HOPX: variants seen among roughly 807,000 people sequenced by gnomAD.
The protein encoded by HOPX is HOP homeobox.
HOPX carries 5 observed loss-of-function variants against 11.8 expected under a neutral mutation model. That is an observed-to-expected ratio of 0.43 (90% CI 0.22 to 0.89). HOPX has a LOEUF of 0.89. Ranked by LOEUF, HOPX falls within the 40% of genes least tolerant of loss-of-function variation. The probability of loss-of-function intolerance (pLI) is 0.28; values close to 1 mark genes in which losing one functional copy is unlikely to be tolerated. For synonymous variants in HOPX, 49 were observed against 49.7 expected, an observed-to-expected ratio of 0.99 and a Z score of 0.06; for missense variants, 119 against 120.0, an observed-to-expected ratio of 0.99 and a Z score of 0.04.
rs1301110531 is a variant in HOPX at position 56,648,188 on chromosome 4, C to G, written c.*532G>C. On this transcript the variant is annotated 3_prime_UTR_variant, in exon 4 of 4. Transcript: ENST00000420433. ...GTCTTCTGGCCCAACAGGCTTCTTT[C>G]CAAGTTAATGCAGCTATATTCCAAG... is the stretch of plus-strand genomic sequence containing the variant. 1 of 152,056 alleles carries G rather than the reference C, an allele frequency of 6.6e-6. No homozygotes were observed. The highest frequency in any genetic ancestry group is 2.4e-5 in the African/African-American group (1 of 41,378). 9.4% of individuals were successfully genotyped at this position (152,056 alleles called of 1,614,324 possible).
intron 1 of HOPX, chr4:56,665,625 T>C (rs1403237898): frequency 2.0e-5 from 3 of 152,202 alleles, no homozygotes; most frequent in Non-Finnish European, 2.9e-5. Flanking sequence ...ATTATAACAA[T>C]AGTGACAACA....
At chr4:56,662,456 A>G (rs894642098) in intron 1 of HOPX, 4 of 147,190 alleles carry the variant, frequency 2.7e-5, no homozygotes, top group Non-Finnish European at 4.5e-5. Flanking sequence ...CAAATGTATT[A>G]TTTTCTTTCT....
At chr4:56,651,873 A>T (rs28538051) in intron 3 of HOPX, among the ~76,000 whole-genome samples, 58,013 of 136,744 alleles carry the variant, frequency 0.42, 11,692 homozygotes, top group African/African-American at 0.54. Context: ...AGAGAGAGAG[A>T]GTGTGTGTGT....
intron 3 of HOPX, among the ~76,000 whole-genome samples, chr4:56,653,652 G>T (rs1195568620): frequency 1.3e-5 from 2 of 152,188 alleles, no homozygotes; most frequent in African/African-American, 4.8e-5. Context: ...AGCTGTGGTA[G>T]CCATAGGGAG....
chr4:56,651,055 G>T, intron 3 of HOPX: 1 of 359,340 alleles, frequency 2.8e-6, no homozygotes, highest in South Asian at 5.9e-5. Context: ...GCATTGTAAA[G>T]ACTGACTAAT....
intron 2 of HOPX, among the ~76,000 whole-genome samples, chr4:56,657,422 C>T (rs969934214): frequency 1.3e-5 from 2 of 152,150 alleles, no homozygotes; most frequent in Non-Finnish European, 2.9e-5. Context: ...CACTGATGTC[C>T]CGGCAGAATG....
In HOPX at chr4:56,655,765, G is replaced by A. The variant is rs368775986; in HGVS notation, c.198+92C>T. 816 of 1,423,946 alleles carry A rather than the reference G, an allele frequency of 5.7e-4. 8 individuals carry two copies. In the East Asian group the frequency reaches 0.016, roughly 29 times the overall value. 88.2% of individuals were successfully genotyped at this position (1,423,946 alleles called of 1,614,324 possible). A position where few individuals can be genotyped will look rare whatever the true frequency, so the allele number is the denominator to read the frequency against. On this transcript the variant is annotated intron_variant, in intron 3 of 3. Transcript: ENST00000420433. ...TGGGAGATCATGGGGAGGGCAGCCC[G>A]GCGGGAGGCGCGGACGAACAGGACC...
chr4:56,665,585 T>G (rs914064539), intron 1 of HOPX: 10 of 152,210 alleles, frequency 6.6e-5, no homozygotes, highest in Admixed American at 5.9e-4. Context: ...TTCCTATTGC[T>G]GAATCACCTA....
chr4:56,655,995 C>G lies in HOPX; in HGVS notation c.60G>C (p.Ser20=), dbSNP rs146202251. 4.0e-5 allele frequency: 64 copies of G among 1,603,110 alleles called. No individual in the cohort carries two copies. In the African/African-American group the frequency reaches 7.6e-4, roughly 19 times the overall value. Residue 20 remains serine (S), a synonymous_variant, in exon 3 of 4, where the codon TCG becomes TCC. Coordinates refer to ENST00000420433, the MANE Select transcript of HOPX (RefSeq NM_032495.6). Reference sequence around the variant, plus strand: ...CTGTGGGGCCGCTCGCGGTCTCCGCCGACATGGTCCCTGCGCGCTGCGGGG... The same window carrying G: ...CTGTGGGGCCGCTCGCGGTCTCCGCGGACATGGTCCCTGCGCGCTGCGGGG... ...RRLEERAGTM[S]AETASGPTED...
chr4:56,675,758 T>C (rs1718980742), intron 1 of HOPX, among the ~76,000 whole-genome samples: 2 of 151,844 alleles, frequency 1.3e-5, no homozygotes, highest in South Asian at 4.1e-4. Context: ...GACATGAGCC[T>C]TCCATTTGCA....
intron 1 of HOPX, among the ~76,000 whole-genome samples, chr4:56,670,220 G>A (rs1278276705): frequency 6.6e-6 from 1 of 152,140 alleles, no homozygotes; most frequent in African/African-American, 2.4e-5. Flanking sequence ...TTTCCATGGG[G>A]CACAGCCACG....
intron 3 of HOPX, among the ~76,000 whole-genome samples, chr4:56,653,211 T>C (rs905168422): frequency 4.6e-5 from 7 of 152,034 alleles, no homozygotes; most frequent in African/African-American, 1.7e-4. Flanking sequence ...TTGATTTTTT[T>C]ACTTTTTTAT....
At chr4:56,677,706 C>T (rs1719087882) in intron 1 of HOPX, among the ~76,000 whole-genome samples, 1 of 151,506 alleles carries the variant, frequency 6.6e-6, no homozygotes, top group Non-Finnish European at 1.5e-5. Context: ...TGCACCCATA[C>T]AGGTGCTGAG....
chr4:56,673,736 G>A (rs576801752), intron 1 of HOPX, among the ~76,000 whole-genome samples: 28 of 148,384 alleles, frequency 1.9e-4, no homozygotes, highest in African/African-American at 5.7e-4. Context: ...GTGTAGTCTC[G>A]CTCTGTCACC....
chr4:56,658,897 A>T (rs565053895), intron 1 of HOPX, among the ~76,000 whole-genome samples: 8 of 152,346 alleles, frequency 5.3e-5, no homozygotes, highest in African/African-American at 1.9e-4. Flanking sequence ...CTTTTTCAAG[A>T]TGTTACATGC....
chr4:56,648,470 G>C lies in HOPX; in HGVS notation c.*250C>G, dbSNP rs539529482. ...CACCATCTGTCATCATGACTCAAAG[G>C]GAAATGCTAGCCACACCATTTTTCC... On this transcript the variant is annotated 3_prime_UTR_variant, in exon 4 of 4. Transcript: ENST00000420433. 4.6e-5 allele frequency: 17 copies of C among 366,026 alleles called. No individual in the cohort carries two copies. The highest frequency in any genetic ancestry group is 4.1e-4 in the South Asian group (3 of 7,278). The allele number at this position is 366,026 out of a possible 1,614,324, so 22.7% of individuals were successfully genotyped here. A position where few individuals can be genotyped will look rare whatever the true frequency, so the allele number is the denominator to read the frequency against.
chr4:56,681,538 C>T (rs929333961), upstream of HOPX: 4 of 1,000,108 alleles, frequency 4.0e-6, no homozygotes, highest in Non-Finnish European at 4.8e-6. Flanking sequence ...CTTCTCGTCC[C>T]TGACCTCTCT....
At chr4:56,657,523 G>A (rs944218856) in intron 2 of HOPX, among the ~76,000 whole-genome samples, 6 of 152,156 alleles carry the variant, frequency 3.9e-5, no homozygotes, top group Non-Finnish European at 7.3e-5. Context: ...TCACTCTGAA[G>A]GGGCTTTCAG....
At chr4:56,674,804 G>A (rs1347830844) in intron 1 of HOPX, among the ~76,000 whole-genome samples, 1 of 151,012 alleles carries the variant, frequency 6.6e-6, no homozygotes, top group African/African-American at 2.5e-5. Flanking sequence ...GAGTACAGTG[G>A]CATCGTGATC....
Sources: allele counts gnomAD v4.1 joint callset (sites outside exome capture counted in the v4.1 genomes callset), GRCh38; gene constraint gnomAD v4.1.1; transcripts MANE v1.5; gene names NCBI Gene and HGNC (gene_info 2026-07-23, HGNC 2026-07-21).